The following CNOT6 variants were observed in gnomAD, a reference collection of about 807,000 sequenced individuals.
The protein encoded by CNOT6 is carbon catabolite repression 4 protein.
In CNOT6, 12 loss-of-function variants were observed where a neutral mutation model predicts 61.2. The ratio of observed to expected loss-of-function variants is 0.20; its 90% CI spans 0.13 to 0.32. The LOEUF is 0.32. Ranked by LOEUF, CNOT6 falls within the 10% of genes least tolerant of loss-of-function variation. The pLI is 1.00. For synonymous variants in CNOT6, 225 were observed against 240.6 expected (o/e 0.94, Z 0.60); for missense variants, 405 against 663.9 (o/e 0.61, Z 4.28).
intron 10 of CNOT6, among the ~76,000 whole-genome samples, chr5:180,570,605 T>C (rs1283973218): frequency 6.6e-6 from 1 of 152,236 alleles, no homozygotes; most frequent in East Asian, 1.9e-4. Flanking sequence ...AAGACCCATT[T>C]CAGCATTGAG....
intron 1 of CNOT6, among the ~76,000 whole-genome samples, chr5:180,519,654 G>T (rs1284228139): frequency 6.6e-6 from 1 of 151,972 alleles, no homozygotes; most frequent in African/African-American, 2.4e-5. Context: ...CATCACTATA[G>T]GGGCAAAATG....
intron 10 of CNOT6, among the ~76,000 whole-genome samples, chr5:180,570,961 G>T (rs2127767534): frequency 6.6e-6 from 1 of 152,322 alleles, no homozygotes; most frequent in African/African-American, 2.4e-5. Flanking sequence ...TAAGTAACCA[G>T]TAAATATTAT....
At chr5:180,550,373 C>T (rs550444787) in intron 3 of CNOT6, among the ~76,000 whole-genome samples, 1 of 152,130 alleles carries the variant, frequency 6.6e-6, no homozygotes, top group East Asian at 1.9e-4. Context: ...ACAGTGTGAA[C>T]CCGGGAGGTG....
At chr5:180,540,888 C>T (rs187136923) in intron 2 of CNOT6, among the ~76,000 whole-genome samples, 3 of 152,232 alleles carry the variant, frequency 2.0e-5, no homozygotes, top group South Asian at 2.1e-4. Flanking sequence ...TTTCCGTATA[C>T]TTAGCATTTC....
intron 1 of CNOT6, among the ~76,000 whole-genome samples, chr5:180,518,406 G>T (rs1202302371): frequency 4.6e-5 from 7 of 151,958 alleles, no homozygotes; most frequent in Non-Finnish European, 7.4e-5. Flanking sequence ...CCATTATTCC[G>T]GAGATAATAT....
intron 10 of CNOT6, 23 bp downstream of exon 10, chr5:180,569,363 T>A (rs1382329077): frequency 6.7e-7 from 1 of 1,490,150 alleles, no homozygotes; most frequent in African/African-American, 1.4e-5. Context: ...TGTGATTTTA[T>A]GTAGAATATT....
At chr5:180,537,905 T>A (rs1327322240) in intron 2 of CNOT6, among the ~76,000 whole-genome samples, 1 of 152,010 alleles carries the variant, frequency 6.6e-6, no homozygotes, top group Non-Finnish European at 1.5e-5. Context: ...CTTTTAAGTA[T>A]TCGCTTATTT....
chr5:180,540,883 G>A (rs75799446), intron 2 of CNOT6, among the ~76,000 whole-genome samples: 85 of 152,090 alleles, frequency 5.6e-4, no homozygotes, highest in Middle Eastern at 6.8e-3. Flanking sequence ...GTATTTTTCC[G>A]TATACTTAGC....
intron 1 of CNOT6, among the ~76,000 whole-genome samples, chr5:180,508,474 G>A (rs1028676986): frequency 6.6e-6 from 1 of 152,112 alleles, no homozygotes; most frequent in African/African-American, 2.4e-5. Flanking sequence ...ACCATGCCCA[G>A]CTAATTTTTG....
chr5:180,568,971 T>C (rs1760610567), intron 9 of CNOT6, 139 bp from the exon 10 acceptor site: 2 of 640,876 alleles, frequency 3.1e-6, no homozygotes, highest in Non-Finnish European at 5.4e-6. Context: ...GTAGGGCACA[T>C]TCAGTCATCC....
chr5:180,573,600 TGTCCGTCC>T (rs71765446), intron 11 of CNOT6, among the ~76,000 whole-genome samples: 1 of 25,006 alleles, frequency 4.0e-5, no homozygotes, highest in Non-Finnish European at 1.0e-4. Flanking sequence ...TGTGTGTGTG[TGTCCGTCC>T]GTCCGTCCGT....
chr5:180,511,983 C>G (rs1392100679), intron 1 of CNOT6, among the ~76,000 whole-genome samples: 1 of 152,158 alleles, frequency 6.6e-6, no homozygotes, highest in Non-Finnish European at 1.5e-5. Flanking sequence ...GCTTGGAACT[C>G]ATTTCTCTTA....
intron 1 of CNOT6, among the ~76,000 whole-genome samples, chr5:180,516,634 A>T (rs7709536): frequency 0.093 from 14,160 of 152,300 alleles, 810 homozygotes; most frequent in East Asian, 0.25. Context: ...ACCTGGTCAG[A>T]GTAACATCAC....
intron 2 of CNOT6, among the ~76,000 whole-genome samples, chr5:180,548,110 A>T (rs140454120): frequency 9.7e-4 from 147 of 152,234 alleles, no homozygotes; most frequent in Middle Eastern, 3.4e-3. Context: ...TTCTTGTGTA[A>T]TACCTTGAGA....
At chr5:180,536,893 T>TAAC (rs1758724749) in intron 2 of CNOT6, among the ~76,000 whole-genome samples, 1 of 152,248 alleles carries the variant, frequency 6.6e-6, no homozygotes, top group African/African-American at 2.4e-5. Flanking sequence ...AACACTGGGA[T>TAAC]AACAGGCATG....
chr5:180,544,832 G>T (rs939427529), intron 2 of CNOT6, among the ~76,000 whole-genome samples: 2 of 152,160 alleles, frequency 1.3e-5, no homozygotes, highest in South Asian at 2.1e-4. Flanking sequence ...AGTGGCTCAC[G>T]CCTGTAGTTC....
Position 180,574,223 on chromosome 5 carries a change from C to T in CNOT6, c.*23C>T. 1.9e-6 allele frequency: 3 copies of T among 1,576,228 alleles called. No homozygotes were observed. The highest frequency in any genetic ancestry group is 2.6e-6 in the Non-Finnish European group (3 of 1,145,838). On this transcript the variant is annotated 3_prime_UTR_variant, in exon 12 of 12. Transcript: ENST00000261951. ...TAGTCAAGCACCTTCAGAGGACAGC[C>T]TTGATTCACTTGTAAACTTGTGAAA...
chr5:180,539,691 G>A (rs1212325646), intron 2 of CNOT6, among the ~76,000 whole-genome samples: 1 of 146,754 alleles, frequency 6.8e-6, no homozygotes, highest in Non-Finnish European at 1.5e-5. Context: ...CCAGGTTCAC[G>A]CCATTCTCCT....
In CNOT6 at chr5:180,574,323, G is replaced by T. The variant is rs78863822; in HGVS notation, c.*123G>T. ...TAAGAATGATTTGGACTTTCAATCTGATTATTTGATAAGGATATAGTATGA... is the reference window on the plus strand; with the variant it reads ...TAAGAATGATTTGGACTTTCAATCTTATTATTTGATAAGGATATAGTATGA... On this transcript the variant is annotated 3_prime_UTR_variant, in exon 12 of 12. Transcript: ENST00000261951. The T allele has an allele frequency of 1.9e-4, 146 of 788,090 alleles. No individual in the cohort carries two copies. The East Asian group carries it at 3.8e-3, about 20-fold the overall frequency. The allele number at this position is 788,090 out of a possible 1,614,324, so 48.8% of individuals were successfully genotyped here.
Sources: allele counts gnomAD v4.1 joint callset (sites outside exome capture counted in the v4.1 genomes callset), GRCh38; gene constraint gnomAD v4.1.1; transcripts MANE v1.5; gene names NCBI Gene and HGNC (gene_info 2026-07-23, HGNC 2026-07-21).